PCYT2: variants seen among roughly 807,000 people sequenced by gnomAD.
PCYT2 encodes ethanolamine-phosphate cytidylyltransferase.
PCYT2 carries 33 observed loss-of-function variants against 50.0 expected under a neutral mutation model. That is an observed-to-expected ratio of 0.66 (90% confidence interval 0.50 to 0.88). PCYT2 has a LOEUF of 0.88. Ranked by LOEUF, PCYT2 falls within the 40% of genes least tolerant of loss-of-function variation. PCYT2 has a pLI of 0.00. For synonymous variants in PCYT2, 240 were observed against 203.7 expected (o/e 1.18, Z -1.52); for missense variants, 430 against 519.7 (o/e 0.83, Z 1.68).
In PCYT2 at chr17:81,902,436, G is replaced by A. The variant is rs1020513514; in HGVS notation, c.*2397C>T. The A allele has an allele frequency of 1.5e-6, 2 of 1,352,550 alleles. No homozygotes were observed. Among genetic ancestry groups the A allele is most frequent in the Admixed American group, 8.2e-5 (2 of 24,496 alleles). 83.8% of individuals were successfully genotyped at this position (1,352,550 alleles called of 1,614,324 possible). ...CCGGCCTCCGCAGGTCCCCGTACGC[G>A]CGGCGCTCCCAGCCCTACAGAGGGG... On this transcript the variant is annotated 3_prime_UTR_variant, in exon 13 of 13. Transcript: ENST00000538936.
At chr17:81,908,708 G>A (rs1383067961) in intron 3 of PCYT2, 74 bp from the exon 4 acceptor site, 17 of 1,404,446 alleles carry the variant, frequency 1.2e-5, no homozygotes, top group East Asian at 6.9e-5. Flanking sequence ...GGACCCTCTC[G>A]GCCCCTGGCC....
At chr17:81,910,809 G>T in intron 1 of PCYT2, 1 of 828,100 alleles carries the variant, frequency 1.2e-6, no homozygotes, top group Non-Finnish European at 1.5e-6. Context: ...GGCCAGGGAA[G>T]ACCGATCGCA....
chr17:81,907,067 C>T (rs1378694060), intron 6 of PCYT2, 169 bp from the exon 7 acceptor site: 15 of 1,040,808 alleles, frequency 1.4e-5, no homozygotes, highest in Non-Finnish European at 2.1e-5. Flanking sequence ...GTGGCGCCAC[C>T]CCACAACCAC....
At chr17:81,910,045 C>G (rs1186365758) in intron 1 of PCYT2, among the ~76,000 whole-genome samples, 1 of 152,210 alleles carries the variant, frequency 6.6e-6, no homozygotes, top group Non-Finnish European at 1.5e-5. Context: ...CTGGGGCTAA[C>G]CCAAAACAAA....
chr17:81,907,640 C>T (rs548317864), intron 5 of PCYT2, 42 bp from the exon 6 acceptor site: 245 of 1,606,240 alleles, frequency 1.5e-4, no homozygotes, highest in South Asian at 1.3e-3. Context: ...CCTGCCCTCC[C>T]GGCGTGGCCA....
In PCYT2 at chr17:81,906,725, C is replaced by T. The variant is rs560877260; in HGVS notation, c.676+35G>A. On this transcript the variant is annotated intron_variant, in intron 7 of 12. Coordinates refer to ENST00000538936, the MANE Select transcript of PCYT2 (RefSeq NM_002861.5). The stretch of plus-strand genomic sequence containing the variant: ...GGCCCCCGGGTCCCACCCCATGTGG[C>T]ACATGTAGGGGAGCAGCAGAGGCCC... 1.3e-5 allele frequency: 21 copies of T among 1,607,888 alleles called. No individual in the cohort carries two copies. In the South Asian group the frequency reaches 1.9e-4, roughly 14 times the overall value.
In PCYT2 at chr17:81,908,831, C is replaced by T. The variant is rs1360041364; in HGVS notation, c.340+45G>A. 5.8e-6 allele frequency: 9 copies of T among 1,550,278 alleles called. No individual in the cohort carries two copies. The East Asian group carries it at 1.3e-4, about 23-fold the overall frequency. On this transcript the variant is annotated intron_variant, in intron 3 of 12. Transcript: ENST00000538936. ...TCCCACCAGCAGATCTGATCCTGAG[C>T]CACCTGATGTCCCCAGGCCCCCAGG... is the stretch of plus-strand genomic sequence containing the variant.
chr17:81,910,378 C>G (rs1052898178), intron 1 of PCYT2, among the ~76,000 whole-genome samples: 1 of 152,220 alleles, frequency 6.6e-6, no homozygotes, highest in Non-Finnish European at 1.5e-5. Context: ...ACACAGTGCA[C>G]AGAGTTGCTC....
At position 81,903,075 on chromosome 17, in the gene PCYT2, C is replaced by T. The variant is rs767117251; in HGVS notation, c.*1758G>A. 4.4e-5 allele frequency: 15 copies of T among 342,634 alleles called. No homozygotes were observed. The highest frequency in any genetic ancestry group is 5.8e-5 in the Non-Finnish European group (11 of 189,516). The allele number at this position is 342,634 out of a possible 1,614,324, so 21.2% of individuals were successfully genotyped here. On this transcript the variant is annotated 3_prime_UTR_variant, in exon 13 of 13. Transcript: ENST00000538936. ...CGAAGCTGGCCACGACCCAGCCCCG[C>T]GGTGAAGCCGCGCCTAGCCTTGGTG...
chr17:81,909,414 G>A lies in PCYT2; in HGVS notation c.178+100C>T, dbSNP rs898419526. 2.6e-5 allele frequency: 39 copies of A among 1,473,338 alleles called. No homozygotes were observed. In the East Asian group the frequency reaches 6.9e-4, roughly 26 times the overall value. 91.3% of individuals were successfully genotyped at this position (1,473,338 alleles called of 1,614,324 possible). A position where few individuals can be genotyped will look rare whatever the true frequency, so the allele number is the denominator to read the frequency against. ...CTACAGTGCCCTCCCCTACAGCTGT[G>A]CCCTGGCAAGGTGGCCCCAGGCCTG... On this transcript the variant is annotated intron_variant, in intron 2 of 12. Transcript: ENST00000538936.
At position 81,902,343 on chromosome 17, in the gene PCYT2, C is replaced by A; in HGVS notation, c.*2490G>T. ...TGTGCCTGCTGCTGGCGCCGCCTGG[C>A]CTCGCGTGGTACAAGCCAGCGGCGG... is the stretch of plus-strand genomic sequence containing the variant. On this transcript the variant is annotated 3_prime_UTR_variant, in exon 13 of 13. Coordinates refer to ENST00000538936, the MANE Select transcript of PCYT2 (RefSeq NM_002861.5). 2 of 1,340,710 alleles carry A rather than the reference C, an allele frequency of 1.5e-6. No individual in the cohort carries two copies. The highest frequency in any genetic ancestry group is 1.9e-6 in the Non-Finnish European group (2 of 1,054,486). The allele number at this position is 1,340,710 out of a possible 1,614,324, so 83.1% of individuals were successfully genotyped here.
chr17:81,907,900 G>C, intron 4 of PCYT2, 43 bp from the exon 5 acceptor site: 1 of 1,494,944 alleles, frequency 6.7e-7, no homozygotes, highest in South Asian at 1.2e-5. Flanking sequence ...TGGGACACTC[G>C]CAAGGCTCTG....
chr17:81,905,353 T>TA, intron 11 of PCYT2, 29 bp downstream of exon 11: 1 of 1,543,024 alleles, frequency 6.5e-7, no homozygotes, highest in Non-Finnish European at 8.8e-7. Flanking sequence ...TGGCAACCCC[T>TA]GTGCCCAGCA....
At chr17:81,907,015 C>A (rs755634442) in intron 6 of PCYT2, 117 bp from the exon 7 acceptor site, 2 of 1,282,076 alleles carry the variant, frequency 1.6e-6, no homozygotes, top group South Asian at 2.8e-5. Context: ...CCAGTCATCT[C>A]GGGCAGGGGA....
intron 1 of PCYT2, among the ~76,000 whole-genome samples, chr17:81,909,976 G>A (rs549340031): frequency 2.6e-5 from 4 of 152,176 alleles, no homozygotes; most frequent in Non-Finnish European, 4.4e-5. Context: ...AAAATAAGCC[G>A]ATGTTAACTC....
chr17:81,906,530 G>A lies in PCYT2; in HGVS notation c.693C>T (p.Asp231=), dbSNP rs1166879881. The part of the protein sequence containing the change: ...AFDLFHIGHV[D]FLEKVHRLAE... ...CCAGCCTGTGCACCTTCTCCAGGAA[G>A]TCCACATGCCCGATGTCTGCACCCA... The change falls in exon 8 of 13, where the codon GAC becomes GAT. Residue 231 remains aspartate (D), a synonymous_variant. Coordinates refer to ENST00000538936, the MANE Select transcript of PCYT2 (RefSeq NM_002861.5). 1.2e-6 allele frequency: 2 copies of A among 1,613,418 alleles called. No homozygotes were observed. The highest frequency in any genetic ancestry group is 1.7e-6 in the Non-Finnish European group (2 of 1,179,950).
Position 81,905,446 on chromosome 17 carries a change from A to G in PCYT2, c.905T>C (p.Val302Ala). 1 of 1,565,460 alleles carries G rather than the reference A, an allele frequency of 6.4e-7. No homozygotes were observed. Among genetic ancestry groups the G allele is most frequent in the East Asian group, 2.4e-5 (1 of 41,808 alleles). ...TGTCTTGCCGTGACACACCAGGTCC[A>G]CCTGGAGAAGGAGTGGGGTCAGGAG... ...VTAELLSHFK[V>A]DLVCHGKTEI... The change falls in exon 11 of 13, where the codon GTG becomes GCG. Residue 302 changes from valine to alanine, a missense_variant and splice_region_variant. Physicochemically the swap from Val to Ala is moderately conservative, Grantham distance 64. Coordinates refer to ENST00000538936, the MANE Select transcript of PCYT2 (RefSeq NM_002861.5).
rs1416414863 is a variant in PCYT2 at position 81,905,732 on chromosome 17, C to T, written c.841G>A (p.Val281Met). The change falls in exon 10 of 13, where the codon GTG becomes ATG. Residue 281 changes from valine (V) to methionine (M), a missense_variant. Val to Met is a conservative substitution (Grantham distance 21). Around this residue, in one of 4 missense-constraint regions of PCYT2, gnomAD observed 248 missense variants for 300.2 expected, o/e 0.83. Transcript: ENST00000538936. Reference protein sequence around the residue: ...RTLSVLACRYVSEVVIGAPYA... With the variant: ...RTLSVLACRYMSEVVIGAPYA... Reference sequence around the variant, plus strand: ...GGGGCTCCAATCACCACTTCTGACACGTACTGTGGGGACAGTGGGGGCAGA... The same window carrying T: ...GGGGCTCCAATCACCACTTCTGACATGTACTGTGGGGACAGTGGGGGCAGA... The T allele has an allele frequency of 3.7e-6, 6 of 1,613,546 alleles. No homozygotes were observed. Among genetic ancestry groups the T allele is most frequent in the Non-Finnish European group, 4.2e-6 (5 of 1,179,946 alleles).
intron 11 of PCYT2, 57 bp from the exon 12 acceptor site, chr17:81,905,211 C>G (rs1440982924): frequency 1.4e-6 from 2 of 1,461,986 alleles, no homozygotes; most frequent in Non-Finnish European, 1.9e-6. Context: ...CCCCAAGACC[C>G]ATCTGATGCC....
Sources: allele counts gnomAD v4.1 joint callset (sites outside exome capture counted in the v4.1 genomes callset), GRCh38; gene constraint gnomAD v4.1.1; regional missense constraint gnomAD v4.1.1; transcripts MANE v1.5; gene names NCBI Gene and HGNC (gene_info 2026-07-23, HGNC 2026-07-21).